Variants in ZNF609 observed in about 807,000 individuals in gnomAD.
The protein encoded by ZNF609 is zinc finger protein 609.
A neutral mutation model predicts 109.5 loss-of-function variants in ZNF609; 11 were observed. The observed-to-expected ratio is 0.10, with a 90% CI of 0.06 to 0.17. ZNF609 has a LOEUF of 0.17. Among genes scored for constraint, ZNF609 ranks in the 10% least tolerant of loss-of-function variants. The pLI is 1.00. For missense variants in ZNF609, 1,559 were observed against 1,772.4 expected, an observed-to-expected ratio of 0.88 and a Z score of 2.16; for synonymous variants, 646 against 662.0, an observed-to-expected ratio of 0.98 and a Z score of 0.37.
rs1412609410 is a variant in ZNF609, at chr15:64,675,618, C to G, written c.2764C>G (p.Gln922Glu). Residue 922 changes from glutamine (Q) to glutamate (E), a missense_variant, in exon 5 of 10, where the codon CAG (glutamine) becomes GAG (glutamate). This residue lies in a region of ZNF609 where 1,204 missense variants were observed against 1,314.1 expected (regional missense o/e 0.92). Coordinates refer to ENST00000326648, the MANE Select transcript of ZNF609 (RefSeq NM_015042.2). Reference protein sequence around the residue: ...NPSSQAGVESQALKTKRDEEP... With the variant: ...NPSSQAGVESEALKTKRDEEP... ...CAGCAGCCAGGCAGGAGTGGAGAGCCAGGCCCTGAAGACAAAAAGGGATGA... is the reference window on the plus strand; with the variant it reads ...CAGCAGCCAGGCAGGAGTGGAGAGCGAGGCCCTGAAGACAAAAAGGGATGA... 1.2e-6 allele frequency: 2 copies of G among 1,613,902 alleles called. No individual in the cohort carries two copies. The highest frequency in any genetic ancestry group is 3.3e-5 in the Admixed American group (2 of 59,988).
At chr15:64,630,098 C>CTTTT (rs773124227) in intron 3 of ZNF609, among the ~76,000 whole-genome samples, 3 of 136,894 alleles carry the variant, frequency 2.2e-5, no homozygotes, top group Non-Finnish European at 3.1e-5. Context: ...TTTCTTTTTT[C>CTTTT]TTTTTTTTTT....
At chr15:64,562,138 C>T (rs973845355) in intron 2 of ZNF609, among the ~76,000 whole-genome samples, 1 of 152,218 alleles carries the variant, frequency 6.6e-6, no homozygotes, top group African/African-American at 2.4e-5. Flanking sequence ...TCTTTACATT[C>T]TCCAGGGTCC....
intron 2 of ZNF609, among the ~76,000 whole-genome samples, chr15:64,563,876 G>A (rs544428411): frequency 2.9e-4 from 44 of 152,152 alleles, no homozygotes; most frequent in African/African-American, 1.0e-3. Context: ...GTGAGTCGCC[G>A]TGCCCGGCCT....
intron 2 of ZNF609, among the ~76,000 whole-genome samples, chr15:64,532,646 A>C (rs1417808070): frequency 2.6e-5 from 4 of 152,224 alleles, no homozygotes; most frequent in Non-Finnish European, 5.9e-5. Flanking sequence ...GCTGAAAGTT[A>C]TATTTGAAGC....
At chr15:64,602,414 T>C (rs1445473228) in intron 2 of ZNF609, among the ~76,000 whole-genome samples, 1 of 152,154 alleles carries the variant, frequency 6.6e-6, no homozygotes, top group Admixed American at 6.6e-5. Flanking sequence ...AGGTTACTAG[T>C]AGTAATTACC....
At chr15:64,486,038 C>G (rs1167313094) in intron 1 of ZNF609, among the ~76,000 whole-genome samples, 3 of 152,116 alleles carry the variant, frequency 2.0e-5, no homozygotes, top group Non-Finnish European at 2.9e-5. Flanking sequence ...ACAGACAGCT[C>G]CATCACCACA....
chr15:64,596,144 T>C (rs1034856872), intron 2 of ZNF609, among the ~76,000 whole-genome samples: 3 of 152,076 alleles, frequency 2.0e-5, no homozygotes, highest in African/African-American at 7.2e-5. Flanking sequence ...TATAAATATA[T>C]GCCAAGCTCT....
chr15:64,468,120 A>C (rs558570002), intron 1 of ZNF609, among the ~76,000 whole-genome samples: 1 of 151,440 alleles, frequency 6.6e-6, no homozygotes, highest in Non-Finnish European at 1.5e-5. Flanking sequence ...GAGCTCAAGC[A>C]ATTCTCCTAC....
At chr15:64,572,261 C>CGAAGTAGG (rs1894870289) in intron 2 of ZNF609, among the ~76,000 whole-genome samples, 1 of 152,074 alleles carries the variant, frequency 6.6e-6, no homozygotes, top group Non-Finnish European at 1.5e-5. Flanking sequence ...TTTGGGAAGC[C>CGAAGTAGG]GAAGTAGGCA....
intron 1 of ZNF609, among the ~76,000 whole-genome samples, chr15:64,478,451 A>G (rs565910761): frequency 1.3e-5 from 2 of 151,924 alleles, no homozygotes; most frequent in Admixed American, 6.6e-5. Context: ...GCTCACTGCA[A>G]CCTCTGCCTC....
chr15:64,570,214 G>A (rs1894839803), intron 2 of ZNF609, among the ~76,000 whole-genome samples: 1 of 152,206 alleles, frequency 6.6e-6, no homozygotes, highest in Admixed American at 6.5e-5. Flanking sequence ...GTTTTAGCAA[G>A]CTAAGAAACG....
intron 3 of ZNF609, among the ~76,000 whole-genome samples, chr15:64,651,851 T>G (rs1209620387): frequency 2.0e-5 from 3 of 152,190 alleles, no homozygotes; most frequent in Admixed American, 2.0e-4. Context: ...TGTAGATTGC[T>G]CCCCTCTTGG....
At chr15:64,482,094 T>TA (rs1195801519) in intron 1 of ZNF609, among the ~76,000 whole-genome samples, 1 of 152,162 alleles carries the variant, frequency 6.6e-6, no homozygotes, top group Non-Finnish European at 1.5e-5. Context: ...TTTTTGTTTT[T>TA]AAAAAAGATA....
intron 1 of ZNF609, among the ~76,000 whole-genome samples, chr15:64,476,989 TC>T (rs1460631257): frequency 2.6e-5 from 4 of 152,142 alleles, no homozygotes; most frequent in African/African-American, 4.8e-5. Context: ...TGCTTTGACT[TC>T]CTCTCAACAC....
chr15:64,641,724 G>A (rs1255584164), intron 3 of ZNF609, among the ~76,000 whole-genome samples: 4 of 152,086 alleles, frequency 2.6e-5, no homozygotes, highest in African/African-American at 9.7e-5. Context: ...CAATTAAATT[G>A]GATCAGAATA....
chr15:64,519,929 T>C (rs978717980), intron 2 of ZNF609, among the ~76,000 whole-genome samples: 1 of 152,216 alleles, frequency 6.6e-6, no homozygotes, highest in Non-Finnish European at 1.5e-5. Context: ...AAGTACACTG[T>C]AAATGCACAG....
chr15:64,678,347 G>A lies in ZNF609; in HGVS notation c.3634G>A (p.Val1212Met), dbSNP rs1458893508. The change falls in exon 6 of 10, where the codon GTG becomes ATG. Residue 1212 changes from valine (V) to methionine (M), a missense_variant. By Grantham distance (21) the Val-to-Met change is conservative. Transcript: ENST00000326648. ...GSKEPRPSVH[V>M]PVSSPLTQHQ... ...CAAGGAGCCCCGGCCAAGTGTCCAT[G>A]TGCCTGTGTCCTCCCCACTTACCCA... 2.5e-6 allele frequency: 4 copies of A among 1,614,088 alleles called. No homozygotes were observed. Among genetic ancestry groups the A allele is most frequent in the South Asian group, 2.2e-5 (2 of 91,084 alleles).
rs368375839 is a variant in ZNF609 at position 64,682,668 on chromosome 15, G to A, written c.*982G>A. The A allele has an allele frequency of 6.6e-6, 1 of 152,586 alleles. No individual in the cohort carries two copies. The highest frequency in any genetic ancestry group is 1.5e-5 in the Non-Finnish European group (1 of 68,056). The allele number at this position is 152,586 out of a possible 1,614,324, so 9.5% of individuals were successfully genotyped here. On this transcript the variant is annotated 3_prime_UTR_variant, in exon 10 of 10. Transcript: ENST00000326648. The stretch of plus-strand genomic sequence containing the variant: ...TCCCCCCAGCTTGGGGAACCTTGGA[G>A]TCTGCCAGGTCACCTTAGGGCAAGG...
rs570809285 is a variant in ZNF609 at position 64,463,315 on chromosome 15, G to A, written c.-128+2477G>A. ...TGGGAGGCTGAGGTAGAAAGATCTC[G>A]TTGAGCCCAGGAGGTTGAGGCTGCA... On this transcript the variant is annotated intron_variant, in intron 1 of 9. Coordinates refer to ENST00000326648, the MANE Select transcript of ZNF609 (RefSeq NM_015042.2). Among the ~76,000 whole-genome samples the A allele has an allele frequency of 4.6e-5, 7 of 151,840 alleles. No homozygotes were observed. In the South Asian group the frequency reaches 1.5e-3, roughly 32 times the overall value.
Sources: gnomAD v4.1 joint callset for allele counts (sites outside exome capture counted in the v4.1 genomes callset) on GRCh38, gnomAD v4.1.1 for gene constraint, gnomAD v4.1.1 regional missense constraint, MANE v1.5 for transcripts, NCBI Gene and HGNC (gene_info 2026-07-23, HGNC 2026-07-21) for gene names.